Variants in SKAP2 observed in about 807,000 individuals in gnomAD.
The protein encoded by SKAP2 is src kinase associated phosphoprotein 2.
Under a neutral mutation model 54.9 loss-of-function variants are expected in SKAP2, and 28 were observed. The observed-to-expected ratio is 0.51, with a 90% CI of 0.38 to 0.70. The LOEUF is 0.70. SKAP2 is among the 30% of genes least tolerant of loss of function. The pLI is 0.00. For missense variants in SKAP2, 356 were observed against 424.1 expected, an observed-to-expected ratio of 0.84 and a Z score of 1.41; for synonymous variants, 137 against 134.3, an observed-to-expected ratio of 1.02 and a Z score of -0.14.
intron 4 of SKAP2, among the ~76,000 whole-genome samples, chr7:26,814,890 C>A (rs1784233571): frequency 6.6e-6 from 1 of 152,058 alleles, no homozygotes; most frequent in Non-Finnish European, 1.5e-5. Context: ...ATGATCCTTA[C>A]TTTAGAAACA....
At position 26,717,479 on chromosome 7, in the gene SKAP2, T is replaced by C. The variant is rs897380654; in HGVS notation, c.796+7949A>G. 7.5e-5 allele frequency among the ~76,000 whole-genome samples: 9 copies of C among 120,334 alleles called. No homozygotes were observed. In the East Asian group the frequency reaches 2.2e-3, roughly 30 times the overall value. 78.9% of individuals were successfully genotyped at this position (120,334 alleles called of 152,430 possible). A position where few individuals can be genotyped will look rare whatever the true frequency, so the allele number is the denominator to read the frequency against. On this transcript the variant is annotated intron_variant, in intron 9 of 12. Coordinates refer to ENST00000345317, the MANE Select transcript of SKAP2 (RefSeq NM_003930.5). ...GAGCCAAGATCACATCATTGCATTC[T>C]AGCCTGGGTGACAGAGCAAGACCCC...
At chr7:26,795,557 A>C (rs1783757602) in intron 4 of SKAP2, among the ~76,000 whole-genome samples, 3 of 152,232 alleles carry the variant, frequency 2.0e-5, no homozygotes, top group African/African-American at 7.2e-5. Context: ...CAGCACTGTA[A>C]GTGGAACAAA....
chr7:26,723,876 C>T (rs1188347679), intron 9 of SKAP2, among the ~76,000 whole-genome samples: 1 of 152,194 alleles, frequency 6.6e-6, no homozygotes, highest in Non-Finnish European at 1.5e-5. Flanking sequence ...AGTATACATT[C>T]TCACAAGTTC....
chr7:26,802,260 GTT>G (rs34277928), intron 4 of SKAP2, among the ~76,000 whole-genome samples: 62 of 129,406 alleles, frequency 4.8e-4, no homozygotes, highest in Admixed American at 6.5e-4. Flanking sequence ...AGAAAAGACA[GTT>G]TTTTTTTTTT....
chr7:26,783,340 CGTTACTAG>C (rs1783466615), intron 4 of SKAP2, among the ~76,000 whole-genome samples: 1 of 151,984 alleles, frequency 6.6e-6, no homozygotes, highest in Non-Finnish European at 1.5e-5. Flanking sequence ...CAATCCATAC[CGTTACTAG>C]GTTGATGTTT....
At chr7:26,698,324 T>C (rs1341537077) in intron 9 of SKAP2, among the ~76,000 whole-genome samples, 2 of 152,194 alleles carry the variant, frequency 1.3e-5, no homozygotes, top group East Asian at 3.8e-4. Context: ...CCAAGATCTG[T>C]TTGCAGGGTG....
At chr7:26,750,799 A>C (rs1200103491) in intron 4 of SKAP2, among the ~76,000 whole-genome samples, 1 of 152,186 alleles carries the variant, frequency 6.6e-6, no homozygotes, top group Non-Finnish European at 1.5e-5. Context: ...TTGTATGCAG[A>C]TTCCTCTAGC....
At chr7:26,832,643 A>G (rs542409757) in intron 4 of SKAP2, among the ~76,000 whole-genome samples, 2 of 152,240 alleles carry the variant, frequency 1.3e-5, no homozygotes, top group African/African-American at 4.8e-5. Flanking sequence ...GCAAGACCCC[A>G]TCTCTAAAAA....
chr7:26,766,514 T>A (rs988905662), intron 4 of SKAP2, among the ~76,000 whole-genome samples: 1 of 152,228 alleles, frequency 6.6e-6, no homozygotes, highest in Admixed American at 6.5e-5. Flanking sequence ...CTATGTTGAA[T>A]GAAAGTGGTG....
At position 26,739,768 on chromosome 7, in the gene SKAP2, T is replaced by C. The variant is rs192028756; in HGVS notation, c.385+119A>G. The stretch of plus-strand genomic sequence containing the variant: ...TTGGATAATGTCATCCAGATTTTCT[T>C]ACAATCTTTAAACTCTTTAATCACC... On this transcript the variant is annotated intron_variant, in intron 5 of 12. Transcript: ENST00000345317. 17 of 667,678 alleles carry C rather than the reference T, an allele frequency of 2.5e-5. No individual in the cohort carries two copies. The Admixed American group carries it at 5.2e-4, about 20-fold the overall frequency. The allele number at this position is 667,678 out of a possible 1,614,324, so 41.4% of individuals were successfully genotyped here.
chr7:26,766,011 G>T (rs1252713611), intron 4 of SKAP2, among the ~76,000 whole-genome samples: 1 of 152,016 alleles, frequency 6.6e-6, no homozygotes, highest in Non-Finnish European at 1.5e-5. Flanking sequence ...AGTGAAGAAA[G>T]TCAATGGTAG....
intron 4 of SKAP2, among the ~76,000 whole-genome samples, chr7:26,754,331 T>G (rs1306892031): frequency 7.0e-6 from 1 of 142,268 alleles, no homozygotes; most frequent in African/African-American, 2.7e-5. Flanking sequence ...ACCACAGAAC[T>G]CCAGTCTGGG....
intron 4 of SKAP2, among the ~76,000 whole-genome samples, chr7:26,832,418 T>C (rs566376195): frequency 3.3e-5 from 5 of 152,326 alleles, no homozygotes; most frequent in African/African-American, 1.2e-4. Context: ...AGACTAGTTA[T>C]GAAAAAGTTT....
intron 4 of SKAP2, among the ~76,000 whole-genome samples, chr7:26,834,750 G>A (rs954117124): frequency 5.9e-5 from 9 of 152,162 alleles, no homozygotes; most frequent in South Asian, 4.2e-4. Flanking sequence ...ATTCACAGCC[G>A]AATTCTACCA....
intron 4 of SKAP2, among the ~76,000 whole-genome samples, chr7:26,780,677 C>T (rs1783406978): frequency 6.6e-6 from 1 of 151,972 alleles, no homozygotes; most frequent in Non-Finnish European, 1.5e-5. Context: ...AGGTGGTAAG[C>T]TAGTTTGCCC....
chr7:26,738,984 T>C, intron 5 of SKAP2, 106 bp from the exon 6 acceptor site: 1 of 720,612 alleles, frequency 1.4e-6, no homozygotes. Flanking sequence ...GTGTGACTAA[T>C]TTGTATCTTC....
chr7:26,837,348 AAG>A (rs1253358102), intron 4 of SKAP2, among the ~76,000 whole-genome samples: 6 of 152,228 alleles, frequency 3.9e-5, no homozygotes, highest in Admixed American at 1.3e-4. Context: ...AAGAAAAAGA[AAG>A]AGGTTTAATT....
chr7:26,773,359 G>A (rs1340400416), intron 4 of SKAP2, among the ~76,000 whole-genome samples: 1 of 152,178 alleles, frequency 6.6e-6, no homozygotes, highest in East Asian at 1.9e-4. Flanking sequence ...GAGGATGAAG[G>A]CAAGATAATT....
At chr7:26,765,866 C>G (rs960053399) in intron 4 of SKAP2, among the ~76,000 whole-genome samples, 9 of 152,256 alleles carry the variant, frequency 5.9e-5, no homozygotes, top group African/African-American at 1.4e-4. Context: ...GTTTGGGTTA[C>G]CATAGCCTTG....
Sources: allele counts gnomAD v4.1 joint callset (sites outside exome capture counted in the v4.1 genomes callset), GRCh38; gene constraint gnomAD v4.1.1; transcripts MANE v1.5; gene names NCBI Gene and HGNC (gene_info 2026-07-23, HGNC 2026-07-21).